Variants in IGF2R observed in about 807,000 individuals in gnomAD.
The protein encoded by IGF2R is insulin like growth factor 2 receptor.
Under a neutral mutation model 270.6 loss-of-function variants are expected in IGF2R, and 91 were observed. The observed-to-expected ratio is 0.34, with a 90% CI of 0.28 to 0.40. IGF2R has a LOEUF of 0.40. IGF2R is among the 10% of genes least tolerant of loss of function. The pLI, the probability that IGF2R is intolerant of heterozygous loss-of-function variation, is 1.00. For missense variants in IGF2R, 2,805 were observed against 3,188.3 expected (o/e 0.88, Z 2.90); for synonymous variants, 1,316 against 1,258.9 (o/e 1.05, Z -0.96).
chr6:160,070,387 C>T (rs548286302), intron 31 of IGF2R, among the ~76,000 whole-genome samples: 4 of 152,252 alleles, frequency 2.6e-5, no homozygotes, highest in South Asian at 4.1e-4. Flanking sequence ...TTGGGAAGCA[C>T]GAGAAGGTTG....
chr6:160,075,848 A>G lies in IGF2R; in HGVS notation c.5168A>G (p.Asp1723Gly). 6.2e-7 allele frequency: 1 copy of G among 1,613,382 alleles called. No individual in the cohort carries two copies. The highest frequency in any genetic ancestry group is 8.5e-7 in the Non-Finnish European group (1 of 1,179,414). ...CKVPIDGPPI[D>G]IGRVAGPPIL... ...TGTTTGCCCTCGCTCTTTGTTTAGG[A>G]TATCGGCCGGGTAGCAGGACCACCA... Residue 1723 changes from aspartate (D) to glycine (G), a missense_variant and splice_region_variant, in exon 36 of 48, where the codon GAT (aspartate) becomes GGT (glycine). Coordinates refer to ENST00000356956, the MANE Select transcript of IGF2R (RefSeq NM_000876.4).
In IGF2R at chr6:160,060,709, A is replaced by G. The variant is rs1422306282; in HGVS notation, c.3254A>G (p.Gln1085Arg). 1 of 1,614,132 alleles carries G rather than the reference A, an allele frequency of 6.2e-7. No homozygotes were observed. The highest frequency in any genetic ancestry group is 1.3e-5 in the African/African-American group (1 of 74,942). ...LACVPSPVDC[Q>R]VTDLAGNEYD... is the part of the protein sequence containing the mutation. Reference sequence around the variant, plus strand: ...TGTGTTCCTTCTCCAGTGGACTGCCAAGTCACCGGTAAGGCCGTGCGGCCT... The same window carrying G: ...TGTGTTCCTTCTCCAGTGGACTGCCGAGTCACCGGTAAGGCCGTGCGGCCT... The change falls in exon 23 of 48, where the codon CAA becomes CGA. Residue 1085 changes from glutamine to arginine, a missense_variant. Physicochemically the swap from Gln to Arg is conservative, Grantham distance 43. Around this residue, in one of 2 missense-constraint regions of IGF2R, gnomAD observed 1,851 missense variants for 2,207.2 expected, o/e 0.84. Coordinates refer to ENST00000356956, the MANE Select transcript of IGF2R (RefSeq NM_000876.4).
chr6:160,083,406 G>A (rs1779028572), intron 39 of IGF2R, among the ~76,000 whole-genome samples: 1 of 152,156 alleles, frequency 6.6e-6, no homozygotes, highest in Non-Finnish European at 1.5e-5. Flanking sequence ...TCAGTTCCCA[G>A]GGGCAAGCAG....
At chr6:160,045,385 A>C (rs921965306) in intron 13 of IGF2R, among the ~76,000 whole-genome samples, 2 of 152,244 alleles carry the variant, frequency 1.3e-5, no homozygotes, top group Non-Finnish European at 2.9e-5. Context: ...AATATACAAC[A>C]TAACGTAAAA....
chr6:160,103,394 G>A (rs184207257), intron 46 of IGF2R, among the ~76,000 whole-genome samples: 5 of 152,202 alleles, frequency 3.3e-5, no homozygotes, highest in East Asian at 1.9e-4. Context: ...GGTCTGGGCC[G>A]GGAAGGGCAT....
At chr6:160,022,396 A>G (rs9456497) in intron 4 of IGF2R, among the ~76,000 whole-genome samples, 28,038 of 152,152 alleles carry the variant, frequency 0.18, 3,168 homozygotes, top group East Asian at 0.52. Flanking sequence ...AAATCTAAAT[A>G]AAACAAACAA....
intron 1 of IGF2R, among the ~76,000 whole-genome samples, chr6:159,986,477 A>G (rs901881488): frequency 6.8e-6 from 1 of 147,856 alleles, no homozygotes; most frequent in African/African-American, 2.5e-5. Flanking sequence ...CATGTTGGCC[A>G]GGCTGGTCTC....
At chr6:160,030,862 C>T (rs1227606874) in intron 7 of IGF2R, among the ~76,000 whole-genome samples, 3 of 147,620 alleles carry the variant, frequency 2.0e-5, no homozygotes, top group East Asian at 2.0e-4. Flanking sequence ...CTTGCTCTGT[C>T]GCCCCGGCCG....
chr6:160,066,494 TAAATC>T (rs1778588898), intron 29 of IGF2R, among the ~76,000 whole-genome samples: 1 of 152,172 alleles, frequency 6.6e-6, no homozygotes, highest in African/African-American at 2.4e-5. Context: ...AAAGTAGAAT[TAAATC>T]AGAGGAGAAT....
At chr6:160,091,588 G>A (rs1323616823) in intron 44 of IGF2R, among the ~76,000 whole-genome samples, 1 of 152,234 alleles carries the variant, frequency 6.6e-6, no homozygotes, top group Non-Finnish European at 1.5e-5. Flanking sequence ...TGATGGGAAA[G>A]TTGATCAGCC....
At chr6:160,075,771 G>A in intron 35 of IGF2R, 76 bp from the exon 36 acceptor site, 1 of 1,496,510 alleles carries the variant, frequency 6.7e-7, no homozygotes, top group Non-Finnish European at 9.2e-7. Flanking sequence ...TTGCAATTCT[G>A]TATCAATTCT....
chr6:160,020,421 T>G (rs529907239), intron 4 of IGF2R, among the ~76,000 whole-genome samples: 2 of 152,300 alleles, frequency 1.3e-5, no homozygotes, highest in African/African-American at 4.8e-5. Context: ...AATGCCAACG[T>G]CATTTTTTAT....
rs1460046472 is a variant in IGF2R, at chr6:159,969,303, G to A, written c.57G>A (p.Pro19=). 1 of 1,255,402 alleles carries A rather than the reference G, an allele frequency of 8.0e-7. No individual in the cohort carries two copies. Among genetic ancestry groups the A allele is most frequent in the Non-Finnish European group, 1.0e-6 (1 of 996,524 alleles). 77.8% of individuals were successfully genotyped at this position (1,255,402 alleles called of 1,614,324 possible). ...PHLGPAPARR[P]QRSLLLLQLL... is the part of the protein sequence containing the mutation. Reference sequence around the variant, plus strand: ...TGGGGCCCGCGCCCGCCCGCCGCCCGCAGCGCTCTCTGCTCCTGCTGCAGC... The same window carrying A: ...TGGGGCCCGCGCCCGCCCGCCGCCCACAGCGCTCTCTGCTCCTGCTGCAGC... Residue 19 remains proline (P), a synonymous_variant, in exon 1 of 48, where the codon CCG becomes CCA. Coordinates refer to ENST00000356956, the MANE Select transcript of IGF2R (RefSeq NM_000876.4).
At chr6:160,095,129 C>T (rs1583304798) in intron 44 of IGF2R, 1 of 152,252 alleles carries the variant, frequency 6.6e-6, no homozygotes, top group Admixed American at 6.5e-5. Context: ...CAACTTTGTA[C>T]CTATGGGGCG....
At chr6:160,076,126 G>A (rs1231014950) in intron 36 of IGF2R, 130 bp downstream of exon 36, 7 of 853,428 alleles carry the variant, frequency 8.2e-6, no homozygotes, top group Non-Finnish European at 1.3e-5. Flanking sequence ...AAGATGGTAC[G>A]CTAGTAGTGT....
intron 4 of IGF2R, among the ~76,000 whole-genome samples, chr6:160,011,384 C>T (rs946724547): frequency 2.0e-5 from 3 of 152,026 alleles, no homozygotes; most frequent in Non-Finnish European, 2.9e-5. Context: ...TATTTGAACC[C>T]AGCATTCCTT....
chr6:159,986,431 T>TG (rs1554235468), intron 1 of IGF2R, among the ~76,000 whole-genome samples: 10,102 of 73,450 alleles, frequency 0.14, 344 homozygotes, highest in South Asian at 0.28. Context: ...TGTGTGTGTG[T>TG]TTTTTTTTTT....
intron 39 of IGF2R, among the ~76,000 whole-genome samples, chr6:160,081,618 C>T (rs373987615): frequency 1.3e-4 from 20 of 152,328 alleles, no homozygotes; most frequent in African/African-American, 4.8e-4. Flanking sequence ...GAGGCCAGGG[C>T]GTGTTTCATC....
chr6:160,044,675 G>T lies in IGF2R; in HGVS notation c.1765+18G>T, dbSNP rs779010751. On this transcript the variant is annotated intron_variant, in intron 13 of 47. Coordinates refer to ENST00000356956, the MANE Select transcript of IGF2R (RefSeq NM_000876.4). ...CAAGCCAGGTAAAAATTTTAAAAAA[G>T]ATGAAATCTTTTCTGGCTTCTGCCA... 6.3e-7 allele frequency: 1 copy of T among 1,591,984 alleles called. No individual in the cohort carries two copies. Among genetic ancestry groups the T allele is most frequent in the East Asian group, 2.2e-5 (1 of 44,786 alleles).
Sources: gnomAD v4.1 joint callset for allele counts (sites outside exome capture counted in the v4.1 genomes callset) on GRCh38, gnomAD v4.1.1 for gene constraint, gnomAD v4.1.1 regional missense constraint, MANE v1.5 for transcripts, NCBI Gene and HGNC (gene_info 2026-07-23, HGNC 2026-07-21) for gene names.